MCU: variants seen among roughly 807,000 people sequenced by gnomAD.
MCU encodes the protein calcium uniporter protein, mitochondrial.
A neutral mutation model predicts 45.2 loss-of-function variants in MCU; 12 were observed. That is an observed-to-expected ratio of 0.27 (90% confidence interval 0.17 to 0.43). MCU has a LOEUF of 0.43. Among genes scored for constraint, MCU ranks in the 20% least tolerant of loss-of-function variants. The pLI, the probability that MCU is intolerant of heterozygous loss-of-function variation, is 1.00. For missense variants in MCU, 324 were observed against 436.7 expected (o/e 0.74, Z 2.30); for synonymous variants, 160 against 165.1 (o/e 0.97, Z 0.24).
At chr10:72,722,868 A>G (rs572465320) in intron 1 of MCU, among the ~76,000 whole-genome samples, 66 of 152,324 alleles carry the variant, frequency 4.3e-4, no homozygotes, top group Non-Finnish European at 8.2e-4. Flanking sequence ...ATCAAAGCTT[A>G]ATTTCCTTTA....
chr10:72,840,066 G>A (rs921987662), intron 2 of MCU, among the ~76,000 whole-genome samples: 1 of 151,722 alleles, frequency 6.6e-6, no homozygotes, highest in Non-Finnish European at 1.5e-5. Context: ...TGAATGGAAT[G>A]GTTGGGTTAT....
intron 1 of MCU, among the ~76,000 whole-genome samples, chr10:72,804,062 ATATATATAT>A (rs1844388239): frequency 3.8e-5 from 3 of 78,650 alleles, no homozygotes; most frequent in Admixed American, 1.3e-4. Context: ...ATATATATAT[ATATATATAT>A]ATAAAATAAG....
chr10:72,695,701 A>C (rs1296766624), intron 1 of MCU, among the ~76,000 whole-genome samples: 4 of 151,872 alleles, frequency 2.6e-5, no homozygotes, highest in Admixed American at 2.6e-4. Context: ...CCAAGGATTA[A>C]AATTCCTTTA....
chr10:72,843,472 T>C (rs1227045520), intron 2 of MCU, among the ~76,000 whole-genome samples: 4 of 152,224 alleles, frequency 2.6e-5, no homozygotes, highest in African/African-American at 9.6e-5. Context: ...TCTATGTCTT[T>C]TTATGGCTTG....
At chr10:72,770,166 T>G (rs1341945202) in intron 1 of MCU, among the ~76,000 whole-genome samples, 1 of 152,176 alleles carries the variant, frequency 6.6e-6, no homozygotes, top group East Asian at 1.9e-4. Flanking sequence ...AGAGCATACT[T>G]TATTATTTCA....
chr10:72,803,744 A>G (rs1275864409), intron 1 of MCU, among the ~76,000 whole-genome samples: 1 of 151,824 alleles, frequency 6.6e-6, no homozygotes. Flanking sequence ...ACACACACAA[A>G]ATACTGGATT....
intron 1 of MCU, among the ~76,000 whole-genome samples, chr10:72,716,737 G>A (rs1253926033): frequency 6.6e-6 from 1 of 151,742 alleles, no homozygotes; most frequent in African/African-American, 2.4e-5. Flanking sequence ...AAAATTAGTT[G>A]GGCATGCCCC....
intron 1 of MCU, among the ~76,000 whole-genome samples, chr10:72,785,692 A>G (rs545320918): frequency 7.9e-4 from 120 of 152,316 alleles, no homozygotes; most frequent in Non-Finnish European, 1.4e-3. Context: ...TGTAACTTGT[A>G]TCTGTAGTAA....
At chr10:72,750,432 G>A (rs1266949115) in intron 1 of MCU, among the ~76,000 whole-genome samples, 1 of 152,122 alleles carries the variant, frequency 6.6e-6, no homozygotes, top group Admixed American at 6.5e-5. Flanking sequence ...TTGTTGCAAG[G>A]CATTGATTAC....
At chr10:72,783,137 C>T (rs1844020448) in intron 1 of MCU, among the ~76,000 whole-genome samples, 1 of 152,214 alleles carries the variant, frequency 6.6e-6, no homozygotes, top group Admixed American at 6.5e-5. Context: ...TTGAATGAAA[C>T]CACCGCATTG....
rs1048170813 is a variant in MCU, at chr10:72,692,653, G to T, written c.150+352G>T. The T allele has an allele frequency of 4.4e-5, 52 of 1,172,432 alleles. No individual in the cohort carries two copies. In the Middle Eastern group the frequency reaches 1.0e-3, roughly 24 times the overall value. The allele number at this position is 1,172,432 out of a possible 1,614,324, so 72.6% of individuals were successfully genotyped here. On this transcript the variant is annotated intron_variant, in intron 1 of 7. Coordinates refer to ENST00000373053, the MANE Select transcript of MCU (RefSeq NM_138357.3). The stretch of plus-strand genomic sequence containing the variant: ...TAACAGCCCTGCCCCAAGGCTCCCT[G>T]AACGGAGCCAGATGGAAGTTGTCCC...
chr10:72,764,009 G>A (rs1843692396), intron 1 of MCU, among the ~76,000 whole-genome samples: 1 of 151,994 alleles, frequency 6.6e-6, no homozygotes. Context: ...TCTAAAAGTA[G>A]CCATTTACCA....
chr10:72,811,909 A>G (rs1844549343), intron 1 of MCU, among the ~76,000 whole-genome samples: 2 of 152,174 alleles, frequency 1.3e-5, no homozygotes, highest in African/African-American at 4.8e-5. Context: ...TTACAGATAT[A>G]TTCAGAAACA....
At chr10:72,784,684 G>A (rs1304974367) in intron 1 of MCU, among the ~76,000 whole-genome samples, 3 of 152,184 alleles carry the variant, frequency 2.0e-5, no homozygotes, top group African/African-American at 7.2e-5. Context: ...CTCATTTTCA[G>A]TGCAGGATGC....
At chr10:72,697,178 G>A (rs952920400) in intron 1 of MCU, among the ~76,000 whole-genome samples, 19 of 151,994 alleles carry the variant, frequency 1.3e-4, no homozygotes, top group African/African-American at 4.6e-4. Context: ...GTGCAGTGGC[G>A]TGATCTCGGC....
intron 1 of MCU, among the ~76,000 whole-genome samples, chr10:72,783,048 TAACTC>T (rs1184333233): frequency 2.6e-5 from 4 of 152,318 alleles, no homozygotes; most frequent in East Asian, 1.9e-4. Flanking sequence ...AAAAAGGAAA[TAACTC>T]AGTTTGTTTG....
At chr10:72,881,390 A>G (rs1472589778) in intron 6 of MCU, among the ~76,000 whole-genome samples, 6 of 152,128 alleles carry the variant, frequency 3.9e-5, no homozygotes, top group Non-Finnish European at 8.8e-5. Flanking sequence ...ACCATACAGG[A>G]TAAGAGTGAT....
At chr10:72,761,526 C>G (rs140367254) in intron 1 of MCU, among the ~76,000 whole-genome samples, 133 of 152,270 alleles carry the variant, frequency 8.7e-4, no homozygotes, top group African/African-American at 3.0e-3. Flanking sequence ...CACTGCCATG[C>G]CTTCATGGGG....
intron 1 of MCU, among the ~76,000 whole-genome samples, chr10:72,833,466 A>G (rs1844909609): frequency 6.6e-6 from 1 of 152,254 alleles, no homozygotes; most frequent in Admixed American, 6.5e-5. Context: ...ACAAAGAAAA[A>G]TCATTTAGGA....
Sources: gnomAD v4.1 joint callset for allele counts (sites outside exome capture counted in the v4.1 genomes callset) on GRCh38, gnomAD v4.1.1 for gene constraint, MANE v1.5 for transcripts, NCBI Gene and HGNC (gene_info 2026-07-23, HGNC 2026-07-21) for gene names.